NEMP2: variants seen among roughly 807,000 people sequenced by gnomAD.
The protein encoded by NEMP2 is nuclear envelope integral membrane protein 2.
Under a neutral mutation model 54.2 loss-of-function variants are expected in NEMP2, and 53 were observed. That is an observed-to-expected ratio of 0.98 (90% CI 0.78 to 1.23). The LOEUF (loss-of-function observed/expected upper bound fraction) is 1.23. NEMP2 is among the 50% of genes most tolerant of loss of function. NEMP2 has a pLI of 0.00. For synonymous variants in NEMP2, 197 were observed against 190.3 expected (o/e 1.04, Z -0.29); for missense variants, 455 against 511.3 (o/e 0.89, Z 1.06).
the NEMP2 span, among the ~76,000 whole-genome samples, chr2:190,642,063 TA>T: frequency 3.3e-5 from 5 of 152,252 alleles, no homozygotes; most frequent in East Asian, 9.6e-4. This position sits in a 1 kb window ranked among gnomAD's most constrained non-coding sequence, Gnocchi z 4.1. Flanking sequence ...ATGTGTAGTA[TA>T]AATTTGCTTA....
At chr2:190,604,185 G>C in the NEMP2 span, among the ~76,000 whole-genome samples, 1 of 152,172 alleles carries the variant, frequency 6.6e-6, no homozygotes, top group African/African-American at 2.4e-5. This position sits in a 1 kb window ranked among gnomAD's most constrained non-coding sequence, Gnocchi z 4.5. Flanking sequence ...TTCTTGGAGA[G>C]TGAGTGGGAA....
the NEMP2 span, among the ~76,000 whole-genome samples, chr2:190,444,587 C>T: frequency 6.6e-6 from 1 of 152,126 alleles, no homozygotes; most frequent in Admixed American, 6.5e-5. Flanking sequence ...TCATCATTCT[C>T]CACAACTCAG....
chr2:190,586,737 T>C, the NEMP2 span, among the ~76,000 whole-genome samples: 1 of 152,154 alleles, frequency 6.6e-6, no homozygotes, highest in African/African-American at 2.4e-5. This position sits in a 1 kb window ranked among gnomAD's most constrained non-coding sequence, Gnocchi z 4.5. Context: ...TCAAATTGTT[T>C]AGTTAAAAAT....
At chr2:190,468,668 AG>A in the NEMP2 span, among the ~76,000 whole-genome samples, 7 of 145,488 alleles carry the variant, frequency 4.8e-5, no homozygotes, top group Non-Finnish European at 1.0e-4. Context: ...TATGTTGCCC[AG>A]GCTGGTCTTG....
the NEMP2 span, among the ~76,000 whole-genome samples, chr2:190,638,431 G>C: frequency 6.6e-6 from 1 of 152,000 alleles, no homozygotes; most frequent in East Asian, 1.9e-4. This position sits in a 1 kb window ranked among gnomAD's most constrained non-coding sequence, Gnocchi z 5.7. Context: ...GTAACTGCTT[G>C]GTGCTCAGAG....
chr2:190,514,440 A>C lies in NEMP2; in HGVS notation c.953+13T>G. 6.5e-7 allele frequency: 1 copy of C among 1,547,942 alleles called. No homozygotes were observed. The highest frequency in any genetic ancestry group is 1.2e-5 in the South Asian group (1 of 83,762). On this transcript the variant is annotated intron_variant, in intron 7 of 8. Transcript: ENST00000409150. The surrounding 1 kb of genome is among the most constrained non-coding windows in gnomAD (Gnocchi z 5.7). Reference sequence around the variant, plus strand: ...AAATGTCAAATTTGCTGGGGGAAAAAAATGATACATACCACCTCATATAAC... The same window carrying C: ...AAATGTCAAATTTGCTGGGGGAAAACAATGATACATACCACCTCATATAAC...
chr2:190,620,921 T>C, the NEMP2 span, among the ~76,000 whole-genome samples: 1 of 152,248 alleles, frequency 6.6e-6, no homozygotes, highest in East Asian at 1.9e-4. The surrounding 1 kb of genome is among the most constrained non-coding windows in gnomAD (Gnocchi z 4.9). Context: ...GGTTGCAAGA[T>C]ACAAGATCAA....
chr2:190,511,301 T>C (rs1690355496), intron 7 of NEMP2, among the ~76,000 whole-genome samples: 1 of 152,148 alleles, frequency 6.6e-6, no homozygotes, highest in South Asian at 2.1e-4. Flanking sequence ...TTGTGGGATA[T>C]CACTTCCACC....
the NEMP2 span, among the ~76,000 whole-genome samples, chr2:190,581,131 T>C: frequency 1.3e-5 from 2 of 152,220 alleles, no homozygotes; most frequent in Non-Finnish European, 2.9e-5. Flanking sequence ...CCAGGAATTA[T>C]GCAAAAAGTT....
rs370283521 is a variant in NEMP2 at position 190,519,141 on chromosome 2, C to A, written c.256G>T (p.Ala86Ser). Residue 86 changes from alanine (A) to serine (S), a missense_variant, in exon 3 of 9, where the codon GCA becomes TCA. Physicochemically the swap from Ala to Ser is moderately conservative, Grantham distance 99. Around this residue, in one of 3 missense-constraint regions of NEMP2, gnomAD observed 61 missense variants for 97.5 expected, o/e 0.63. Coordinates refer to ENST00000409150, the MANE Select transcript of NEMP2 (RefSeq NM_001142645.2). The surrounding 1 kb of genome is among the most constrained non-coding windows in gnomAD (Gnocchi z 5.4). ...GGATATTGGCAATTATGTCTTTCTG[C>A]GATATATACAATTCTGAACAGGCCT... The part of the protein sequence containing the change: ...SPGLFRIVYI[A>S]ERHNCQYPEN... The A allele has an allele frequency of 6.5e-7, 1 of 1,550,374 alleles. No individual in the cohort carries two copies. Among genetic ancestry groups the A allele is most frequent in the South Asian group, 1.2e-5 (1 of 84,042 alleles).
chr2:190,587,021 A>G, the NEMP2 span, among the ~76,000 whole-genome samples: 8 of 152,208 alleles, frequency 5.3e-5, no homozygotes, highest in African/African-American at 1.9e-4. This position sits in a 1 kb window ranked among gnomAD's most constrained non-coding sequence, Gnocchi z 5.4. Flanking sequence ...ACTTCCATGT[A>G]CATCGTACAC....
chr2:190,486,828 C>T, the NEMP2 span, among the ~76,000 whole-genome samples: 5 of 152,164 alleles, frequency 3.3e-5, no homozygotes, highest in East Asian at 1.9e-4. Flanking sequence ...TTCTTAATCT[C>T]GTCTAGCTAT....
chr2:190,587,351 T>A, the NEMP2 span, among the ~76,000 whole-genome samples: 1 of 152,156 alleles, frequency 6.6e-6, no homozygotes, highest in Non-Finnish European at 1.5e-5. The surrounding 1 kb of genome is among the most constrained non-coding windows in gnomAD (Gnocchi z 5.4). Flanking sequence ...AGGGATGATG[T>A]CACCTGACCC....
the NEMP2 span, among the ~76,000 whole-genome samples, chr2:190,571,786 T>A: frequency 6.6e-6 from 1 of 151,958 alleles, no homozygotes; most frequent in Non-Finnish European, 1.5e-5. Context: ...CAATAACTGG[T>A]TTGTCTCTTT....
chr2:190,518,665 T>C, intron 4 of NEMP2, 71 bp downstream of exon 4: 1 of 1,235,680 alleles, frequency 8.1e-7, no homozygotes, highest in East Asian at 2.5e-5. Context: ...TGAAAATACT[T>C]AGCATGTGGT....
At chr2:190,595,696 G>A in the NEMP2 span, among the ~76,000 whole-genome samples, 1 of 152,236 alleles carries the variant, frequency 6.6e-6, no homozygotes, top group East Asian at 1.9e-4. This position sits in a 1 kb window ranked among gnomAD's most constrained non-coding sequence, Gnocchi z 4.0. Flanking sequence ...AAACCACAAC[G>A]AGATACCATC....
chr2:190,463,745 T>C, the NEMP2 span: 3 of 346,086 alleles, frequency 8.7e-6, no homozygotes, highest in Admixed American at 1.3e-4. The surrounding 1 kb of genome is among the most constrained non-coding windows in gnomAD (Gnocchi z 4.4). Flanking sequence ...ACCTGGGCTC[T>C]GGTGGTCAAG....
the NEMP2 span, among the ~76,000 whole-genome samples, chr2:190,497,165 C>G: frequency 6.6e-6 from 1 of 152,030 alleles, no homozygotes; most frequent in Non-Finnish European, 1.5e-5. This position sits in a 1 kb window ranked among gnomAD's most constrained non-coding sequence, Gnocchi z 5.2. Context: ...TAACCTATGC[C>G]CCACTGATGT....
rs1308876021 is a variant in NEMP2 at position 190,530,341 on chromosome 2, TC to T, written c.97+4217del. 6.6e-6 allele frequency among the ~76,000 whole-genome samples: 1 copy of T among 152,222 alleles called. No individual in the cohort carries two copies. Among genetic ancestry groups the T allele is most frequent in the Non-Finnish European group, 1.5e-5 (1 of 68,038 alleles). On this transcript the variant is annotated intron_variant, in intron 1 of 8. Coordinates refer to ENST00000409150, the MANE Select transcript of NEMP2 (RefSeq NM_001142645.2). This position sits in a 1 kb window ranked among gnomAD's most constrained non-coding sequence, Gnocchi z 4.6. ...CACAAAGTGTCAGTGCTTCATGGTGTCCTCTGGCTGCCCTTTTTTCTTATCA... is the reference window on the plus strand; with the variant it reads ...CACAAAGTGTCAGTGCTTCATGGTGTCTCTGGCTGCCCTTTTTTCTTATCA...
Sources: allele counts gnomAD v4.1 joint callset (sites outside exome capture counted in the v4.1 genomes callset), GRCh38; gene constraint gnomAD v4.1.1; regional missense constraint gnomAD v4.1.1; non-coding constraint Gnocchi (gnomAD v3.1); transcripts MANE v1.5; gene names NCBI Gene and HGNC (gene_info 2026-07-23, HGNC 2026-07-21).